MS4A6E: variants seen among roughly 807,000 people sequenced by gnomAD.
MS4A6E encodes membrane spanning 4-domains A6E, also known as membrane-spanning 4-domains subfamily A member 6E.
A neutral mutation model predicts 13.2 loss-of-function variants in MS4A6E; 8 were observed. The ratio of observed to expected loss-of-function variants is 0.60; its 90% CI spans 0.35 to 1.09. The LOEUF is 1.09. MS4A6E is among the 50% of genes least tolerant of loss of function. MS4A6E has a pLI of 0.02. For missense variants in MS4A6E, 177 were observed against 171.1 expected, an observed-to-expected ratio of 1.03 and a Z score of -0.19; for synonymous variants, 72 against 67.6, an observed-to-expected ratio of 1.06 and a Z score of -0.32.
At chr11:60,329,152 C>A (rs2085138183) in intron 1 of MS4A6E, among the ~76,000 whole-genome samples, 1 of 151,142 alleles carries the variant, frequency 6.6e-6, no homozygotes, top group African/African-American at 2.4e-5. Flanking sequence ...TTGCCCCCCA[C>A]CCCCCGACAG....
chr11:60,335,420 C>T (rs548991207), intron 2 of MS4A6E: 8 of 371,010 alleles, frequency 2.2e-5, no homozygotes, highest in African/African-American at 1.5e-4. Context: ...GAATTTTTCC[C>T]TTACTGCAAA....
At chr11:60,335,225 C>A (rs747370812) in intron 2 of MS4A6E, among the ~76,000 whole-genome samples, 183 bp downstream of exon 2, 5 of 152,072 alleles carry the variant, frequency 3.3e-5, no homozygotes, top group African/African-American at 1.2e-4. Context: ...GTCTTAGAAA[C>A]GTTTTTTCCC....
chr11:60,330,564 G>A (rs543183624), intron 1 of MS4A6E, among the ~76,000 whole-genome samples: 3 of 150,808 alleles, frequency 2.0e-5, no homozygotes, highest in Admixed American at 1.3e-4. Context: ...GGATGGTCTC[G>A]ATCTGACCTC....
rs1273067098 is a variant in MS4A6E at position 60,330,115 on chromosome 11, G to A, written c.-15+2707G>A. Among the ~76,000 whole-genome samples, 4 of 149,678 alleles carry A rather than the reference G, an allele frequency of 2.7e-5. No homozygotes were observed. In the South Asian group the frequency reaches 8.5e-4, roughly 32 times the overall value. On this transcript the variant is annotated intron_variant, in intron 1 of 4. Coordinates refer to ENST00000684409, the MANE Select transcript of MS4A6E (RefSeq NM_139249.4). Reference sequence around the variant, plus strand: ...GCTGGGATTACAGGCGTGAGCCACCGCGCCCGGCCTCCTTCACCCACTTTT... The same window carrying A: ...GCTGGGATTACAGGCGTGAGCCACCACGCCCGGCCTCCTTCACCCACTTTT...
chr11:60,335,571 A>C (rs1316483177), intron 2 of MS4A6E: 1 of 456,006 alleles, frequency 2.2e-6, no homozygotes, highest in Non-Finnish European at 4.4e-6. Context: ...GAGGAGAGAA[A>C]GAAGGGATCT....
chr11:60,346,170 C>T (rs1376596316), downstream of MS4A6E, among the ~76,000 whole-genome samples: 1 of 152,188 alleles, frequency 6.6e-6, no homozygotes, highest in Admixed American at 6.5e-5. Flanking sequence ...ATCCATGCTA[C>T]AGTCTGGACA....
chr11:60,339,822 C>T (rs373268531), intron 3 of MS4A6E, 44 bp from the exon 4 acceptor site: 50 of 1,559,194 alleles, frequency 3.2e-5, no homozygotes, highest in African/African-American at 5.4e-5. Flanking sequence ...ATGAAAGCTT[C>T]GGCTGACCCA....
intron 3 of MS4A6E, 111 bp from the exon 4 acceptor site, chr11:60,339,755 C>A (rs1422846179): frequency 4.4e-6 from 4 of 902,870 alleles, no homozygotes; most frequent in African/African-American, 1.6e-5. Flanking sequence ...TGTTTCCTTA[C>A]TTCATTCTCT....
At chr11:60,340,469 T>C (rs1055406087) in intron 4 of MS4A6E, among the ~76,000 whole-genome samples, 2 of 152,240 alleles carry the variant, frequency 1.3e-5, no homozygotes, top group Admixed American at 1.3e-4. Flanking sequence ...TTAAAAGATA[T>C]ATTAAAAATG....
In MS4A6E at chr11:60,341,340, T is replaced by C. The variant is rs2085224750; in HGVS notation, c.*574T>C. On this transcript the variant is annotated 3_prime_UTR_variant, in exon 5 of 5. Coordinates refer to ENST00000684409, the MANE Select transcript of MS4A6E (RefSeq NM_139249.4). Reference sequence around the variant, plus strand: ...AAATAAAATCTTTGAGTGCATACTTTATTTTAATACTTATTTTGTTATTTT... The same window carrying C: ...AAATAAAATCTTTGAGTGCATACTTCATTTTAATACTTATTTTGTTATTTT... Among the ~76,000 whole-genome samples, 1 of 152,220 alleles carries C rather than the reference T, an allele frequency of 6.6e-6. No individual in the cohort carries two copies. Among genetic ancestry groups the C allele is most frequent in the African/African-American group, 2.4e-5 (1 of 41,444 alleles).
rs1028313352 is a variant in MS4A6E, at chr11:60,334,980, C to A, written c.85C>A (p.Pro29Thr). The part of the protein sequence containing the change: ...INFSQAEKPE[P>T]TNQGQDSLKK... ...CTTCTCCCAAGCAGAGAAACCCGAA[C>A]CCACCAACCAGGGGCAGGATAGCCT... Residue 29 changes from proline (P) to threonine (T), a missense_variant, in exon 2 of 5, where the codon CCC becomes ACC. Coordinates refer to ENST00000684409, the MANE Select transcript of MS4A6E (RefSeq NM_139249.4). The A allele has an allele frequency of 1.9e-6, 3 of 1,614,182 alleles. No individual in the cohort carries two copies. The highest frequency in any genetic ancestry group is 8.5e-7 in the Non-Finnish European group (1 of 1,180,036).
intron 3 of MS4A6E, 148 bp from the exon 4 acceptor site, chr11:60,339,718 G>A: frequency 1.5e-6 from 1 of 679,038 alleles, no homozygotes; most frequent in Non-Finnish European, 2.7e-6. Flanking sequence ...AGACAATTGT[G>A]AGGAGGAGCA....
chr11:60,330,560 TCTCGATCTGAC>T (rs1396577202), intron 1 of MS4A6E, among the ~76,000 whole-genome samples: 2 of 151,846 alleles, frequency 1.3e-5, no homozygotes, highest in Non-Finnish European at 2.9e-5. Context: ...GCCAGGATGG[TCTCGATCTGAC>T]CTCGTGATCC....
At chr11:60,336,246 T>C (rs2085187977) in intron 2 of MS4A6E, among the ~76,000 whole-genome samples, 2 of 152,228 alleles carry the variant, frequency 1.3e-5, no homozygotes, top group Admixed American at 6.5e-5. Flanking sequence ...ACTGTTACAA[T>C]ATGGCGGTCA....
intron 2 of MS4A6E, among the ~76,000 whole-genome samples, chr11:60,336,413 A>G (rs1471146386): frequency 6.6e-6 from 1 of 152,188 alleles, no homozygotes. Context: ...TAGGAAATAT[A>G]TGGGCCTCTT....
rs1227810109 is a variant in MS4A6E at position 60,337,918 on chromosome 11, G to A, written c.325G>A (p.Asp109Asn). 8 of 1,614,172 alleles carry A rather than the reference G, an allele frequency of 5.0e-6. No homozygotes were observed. The South Asian group carries it at 7.7e-5, about 16-fold the overall frequency. ...SYDYHSPYTM[D>N]CHRAKASLAG... ...TGATTATCATTCACCTTACACCATG[G>A]ACTGCCATAGAGCCAAAGCCAGTCT... The change falls in exon 3 of 5, where the codon GAC becomes AAC. Residue 109 changes from aspartate (D) to asparagine (N), a missense_variant. Physicochemically the swap from Asp to Asn is conservative, Grantham distance 23. Transcript: ENST00000684409.
rs1177991718 is a variant in MS4A6E, at chr11:60,340,900, A to AGGAAAACC, written c.*134_*135insGGAAAACC. 6.5e-6 allele frequency: 1 copy of AGGAAAACC among 154,556 alleles called. No individual in the cohort carries two copies. The highest frequency in any genetic ancestry group is 1.5e-5 in the Non-Finnish European group (1 of 68,644). 9.6% of individuals were successfully genotyped at this position (154,556 alleles called of 1,614,324 possible). On this transcript the variant is annotated 3_prime_UTR_variant, in exon 5 of 5. Coordinates refer to ENST00000684409, the MANE Select transcript of MS4A6E (RefSeq NM_139249.4). ...TGATAATATGGAAAACCTAACCATT[A>AGGAAAACC]TAAAAAAGCAAACTTGAGTTTCCTA... is the stretch of plus-strand genomic sequence containing the variant.
At chr11:60,335,175 A>T in intron 2 of MS4A6E, 133 bp downstream of exon 2, 1 of 1,283,612 alleles carries the variant, frequency 7.8e-7, no homozygotes, top group Non-Finnish European at 1.1e-6. Context: ...GGTAGAAGCC[A>T]CTTGGAGAAA....
At position 60,340,973 on chromosome 11, in the gene MS4A6E, G is replaced by A. The variant is rs762833927; in HGVS notation, c.*207G>A. On this transcript the variant is annotated 3_prime_UTR_variant, in exon 5 of 5. Coordinates refer to ENST00000684409, the MANE Select transcript of MS4A6E (RefSeq NM_139249.4). ...CATATTTGTTTTAAAAAATTATTTCGCTGTCATTTATGATATGTGTTCATT... is the reference window on the plus strand; with the variant it reads ...CATATTTGTTTTAAAAAATTATTTCACTGTCATTTATGATATGTGTTCATT... The A allele has an allele frequency of 1.8e-4, 28 of 152,308 alleles. No homozygotes were observed. Among genetic ancestry groups the A allele is most frequent in the African/African-American group, 5.3e-4 (22 of 41,526 alleles). 9.4% of individuals were successfully genotyped at this position (152,308 alleles called of 1,614,324 possible).
Sources: allele counts gnomAD v4.1 joint callset (sites outside exome capture counted in the v4.1 genomes callset), GRCh38; gene constraint gnomAD v4.1.1; transcripts MANE v1.5; gene names NCBI Gene and HGNC (gene_info 2026-07-23, HGNC 2026-07-21).